The following PTPRD variants were observed in gnomAD, a reference collection of about 807,000 sequenced individuals.
PTPRD encodes the protein protein tyrosine phosphatase receptor type D, also known as receptor-type tyrosine-protein phosphatase delta.
Under a neutral mutation model 214.5 loss-of-function variants are expected in PTPRD, and 34 were observed. The ratio of observed to expected loss-of-function variants is 0.16; its 90% CI spans 0.12 to 0.21. The LOEUF (loss-of-function observed/expected upper bound fraction) is 0.21, where lower values mean the gene tolerates loss of function less well. PTPRD is among the 10% of genes least tolerant of loss of function. The probability of loss-of-function intolerance (pLI) is 1.00; values close to 1 mark genes in which losing one functional copy is unlikely to be tolerated. For synonymous variants in PTPRD, 1,128 were observed against 845.7 expected (o/e 1.33, Z -5.79); for missense variants, 2,545 against 2,398.7 (o/e 1.06, Z -1.27).
rs147212339 is a variant in PTPRD at position 9,979,843 on chromosome 9, T to C, written c.-471-41233A>G. Among the ~76,000 whole-genome samples the C allele has an allele frequency of 5.8e-3, 888 of 152,256 alleles. 5 individuals are homozygous for C. Among genetic ancestry groups the C allele is most frequent in the Middle Eastern group, 0.014 (4 of 294 alleles). ...GCTAACTCAGACATAGGTCTTTATA[T>C]AGATGAAAATTAGATACATATCAGA... On this transcript the variant is annotated intron_variant, in intron 4 of 45. Coordinates refer to ENST00000381196, the MANE Select transcript of PTPRD (RefSeq NM_002839.4).
At chr9:8,339,738 A>T (rs1850630780) in intron 42 of PTPRD, among the ~76,000 whole-genome samples, 1 of 152,066 alleles carries the variant, frequency 6.6e-6, no homozygotes, top group Non-Finnish European at 1.5e-5. Flanking sequence ...CATCAAGTCA[A>T]TCTAAGAGGT....
At chr9:10,439,603 A>T (rs1463746923) in intron 2 of PTPRD, among the ~76,000 whole-genome samples, 1 of 151,822 alleles carries the variant, frequency 6.6e-6, no homozygotes, top group African/African-American at 2.4e-5. Context: ...ATCAGGAAAA[A>T]AAAAGGTAAG....
At chr9:10,531,322 T>A (rs936310198) in intron 2 of PTPRD, among the ~76,000 whole-genome samples, 12 of 152,144 alleles carry the variant, frequency 7.9e-5, no homozygotes, top group Admixed American at 3.3e-4. Flanking sequence ...TACAGTCAGT[T>A]CTGCTATAAC....
chr9:9,121,429 C>A (rs574307117), intron 10 of PTPRD, among the ~76,000 whole-genome samples: 18 of 151,762 alleles, frequency 1.2e-4, no homozygotes, highest in South Asian at 4.2e-4. Context: ...AATCCAAATG[C>A]CCATCAATCA....
rs147398880 is a variant in PTPRD, at chr9:10,291,905, C to T, written c.-545+49058G>A. On this transcript the variant is annotated intron_variant, in intron 3 of 45. Transcript: ENST00000381196. Reference sequence around the variant, plus strand: ...TCATTTATAGTACTGATAAGTGCACCGGGGAATTATCTGAGTGGCAGTGAT... The same window carrying T: ...TCATTTATAGTACTGATAAGTGCACTGGGGAATTATCTGAGTGGCAGTGAT... Among the ~76,000 whole-genome samples, 667 of 152,008 alleles carry T rather than the reference C, an allele frequency of 4.4e-3. 2 individuals carry two copies. Among genetic ancestry groups the T allele is most frequent in the Non-Finnish European group, 5.9e-3 (399 of 67,946 alleles).
Position 8,557,455 on chromosome 9 carries a change from T to TATATATATATATACATACACATAC in PTPRD, c.353-28677_353-28676insGTATGTGTATGTATATATATATAT. ...AAATACATATATATATATATATATA[T>TATATATATATATACATACACATAC]ATTTGGGCCGGGCGCGGTGGCTCAT... is the stretch of plus-strand genomic sequence containing the variant. On this transcript the variant is annotated intron_variant, in intron 14 of 45. Transcript: ENST00000381196. Among the ~76,000 whole-genome samples, 13 of 135,638 alleles carry TATATATATATATACATACACATAC rather than the reference T, an allele frequency of 9.6e-5. 1 individual carries two copies. The highest frequency in any genetic ancestry group is 4.2e-4 in the African/African-American group (12 of 28,764). The allele number at this position is 135,638 out of a possible 152,430, so 89.0% of individuals were successfully genotyped here. A position where few individuals can be genotyped will look rare whatever the true frequency, so the allele number is the denominator to read the frequency against.
At chr9:9,834,282 T>C (rs2056039848) in intron 5 of PTPRD, among the ~76,000 whole-genome samples, 2 of 152,042 alleles carry the variant, frequency 1.3e-5, no homozygotes, top group African/African-American at 2.4e-5. Flanking sequence ...GTAACAGTCA[T>C]TCACTGTATG....
intron 5 of PTPRD, among the ~76,000 whole-genome samples, chr9:9,889,332 T>C (rs190065866): frequency 6.6e-6 from 1 of 152,120 alleles, no homozygotes. Flanking sequence ...ATTTAGTCAT[T>C]CCACAATGTA....
chr9:9,760,204 C>T (rs1206924455), intron 6 of PTPRD, among the ~76,000 whole-genome samples: 3 of 152,066 alleles, frequency 2.0e-5, no homozygotes, highest in Non-Finnish European at 4.4e-5. Flanking sequence ...GTCTATGCCA[C>T]ATATCAAAAA....
chr9:9,678,485 T>C (rs893929511), intron 7 of PTPRD, among the ~76,000 whole-genome samples: 6 of 151,784 alleles, frequency 4.0e-5, no homozygotes, highest in Non-Finnish European at 5.9e-5. Context: ...TCCCAGTTTA[T>C]GTAATTTTTA....
chr9:9,093,093 A>T (rs115005021), intron 10 of PTPRD, among the ~76,000 whole-genome samples: 269 of 152,196 alleles, frequency 1.8e-3, no homozygotes, highest in African/African-American at 6.0e-3. Flanking sequence ...ATGGAGGGAC[A>T]TTGCATAGTG....
Position 8,430,220 on chromosome 9 carries a change from T to C in PTPRD, c.4086+6372A>G, listed in dbSNP as rs193188467. On this transcript the variant is annotated intron_variant, in intron 35 of 45. Transcript: ENST00000381196. ...ACTAGTTTTACATTTTCTCTAACTT[T>C]ATAGCTTTTCTTGATAGTGACCACT... Among the ~76,000 whole-genome samples the C allele has an allele frequency of 2.2e-3, 342 of 152,220 alleles. 2 individuals are homozygous for C. The highest frequency in any genetic ancestry group is 7.7e-3 in the African/African-American group (318 of 41,550).
intron 8 of PTPRD, among the ~76,000 whole-genome samples, chr9:9,399,237 A>G (rs976048949): frequency 6.6e-6 from 1 of 152,056 alleles, no homozygotes; most frequent in Non-Finnish European, 1.5e-5. Context: ...AGTATTTAAA[A>G]TAAAAGCACT....
intron 2 of PTPRD, among the ~76,000 whole-genome samples, chr9:10,372,755 G>A (rs913530497): frequency 1.6e-4 from 24 of 151,766 alleles, no homozygotes; most frequent in Non-Finnish European, 2.9e-5. Flanking sequence ...ATGTTTATAT[G>A]CACAAAATCT....
intron 10 of PTPRD, among the ~76,000 whole-genome samples, chr9:9,093,789 A>G (rs1291296129): frequency 6.6e-6 from 1 of 151,862 alleles, no homozygotes; most frequent in Non-Finnish European, 1.5e-5. Flanking sequence ...GAAACTAGAA[A>G]GGGAAGAGCA....
chr9:8,472,531 C>G (rs1591420569), intron 30 of PTPRD, among the ~76,000 whole-genome samples: 1 of 152,310 alleles, frequency 6.6e-6, no homozygotes, highest in East Asian at 1.9e-4. Context: ...ATGGTATCCA[C>G]TAGCCCCTGG....
intron 32 of PTPRD, among the ~76,000 whole-genome samples, chr9:8,462,979 A>G (rs2096455390): frequency 6.6e-6 from 1 of 151,968 alleles, no homozygotes; most frequent in Non-Finnish European, 1.5e-5. Context: ...ATCTTGGCTG[A>G]ATAAGACAAA....
chr9:9,335,574 A>G (rs976992904), intron 9 of PTPRD, among the ~76,000 whole-genome samples: 5 of 152,208 alleles, frequency 3.3e-5, no homozygotes, highest in African/African-American at 9.6e-5. Context: ...TTTAAATTAA[A>G]TAATCAATAT....
chr9:9,786,432 G>A (rs997013880), intron 5 of PTPRD, among the ~76,000 whole-genome samples: 3 of 152,124 alleles, frequency 2.0e-5, no homozygotes, highest in Non-Finnish European at 2.9e-5. Context: ...AATGGTATGA[G>A]GTCATATAAG....
Sources: gnomAD v4.1 joint callset for allele counts (sites outside exome capture counted in the v4.1 genomes callset) on GRCh38, gnomAD v4.1.1 for gene constraint, MANE v1.5 for transcripts, NCBI Gene and HGNC (gene_info 2026-07-23, HGNC 2026-07-21) for gene names.